Variants in GRIK2 observed in about 807,000 individuals in gnomAD.
The protein encoded by GRIK2 is glutamate receptor ionotropic, kainate 2.
In GRIK2, 32 loss-of-function variants were observed where a neutral mutation model predicts 100.3. That is an observed-to-expected ratio of 0.32 (90% CI 0.24 to 0.43). The LOEUF (loss-of-function observed/expected upper bound fraction) is 0.43, where lower values mean the gene tolerates loss of function less well. Ranked by LOEUF, GRIK2 falls within the 20% of genes least tolerant of loss-of-function variation. The pLI, the probability that GRIK2 is intolerant of heterozygous loss-of-function variation, is 1.00. For synonymous variants in GRIK2, 417 were observed against 389.4 expected, an observed-to-expected ratio of 1.07 and a Z score of -0.83; for missense variants, 843 against 1,114.9, an observed-to-expected ratio of 0.76 and a Z score of 3.47.
rs554661007 is a variant in GRIK2 at position 101,602,530 on chromosome 6, T to C, written c.116-19419T>C. On this transcript the variant is annotated intron_variant, in intron 2 of 16. Coordinates refer to ENST00000369134, the MANE Select transcript of GRIK2 (RefSeq NM_021956.5). ...TTTTAAAAATTTGAATTATACTGAT[T>C]ATCAGAGGGAGAGAATGAATGATTA... 5.1e-3 allele frequency among the ~76,000 whole-genome samples: 767 copies of C among 151,542 alleles called. 4 individuals are homozygous for C. The highest frequency in any genetic ancestry group is 0.014 in the Middle Eastern group (4 of 294).
chr6:101,524,762 G>A (rs1298778903), intron 2 of GRIK2, among the ~76,000 whole-genome samples: 4 of 142,914 alleles, frequency 2.8e-5, no homozygotes, highest in East Asian at 2.1e-4. Context: ...GTGGAGTTTC[G>A]CTCTTGTTGC....
At chr6:101,565,734 G>T (rs564251791) in intron 2 of GRIK2, among the ~76,000 whole-genome samples, 28 of 151,642 alleles carry the variant, frequency 1.8e-4, no homozygotes, top group African/African-American at 6.5e-4. Flanking sequence ...GGGGATAGGG[G>T]TGCTGACCCC....
chr6:101,760,695 T>TATATATTTAATTATATATA (rs1491238763), intron 7 of GRIK2, among the ~76,000 whole-genome samples: 1 of 80,014 alleles, frequency 1.2e-5, no homozygotes, highest in African/African-American at 6.1e-5. Flanking sequence ...TATATATAAT[T>TATATATTTAATTATATATA]ATATATAATT....
At chr6:102,038,593 A>C (rs942206854) in intron 15 of GRIK2, among the ~76,000 whole-genome samples, 5 of 151,446 alleles carry the variant, frequency 3.3e-5, no homozygotes, top group Non-Finnish European at 5.9e-5. Flanking sequence ...TGAAAATGAT[A>C]ATAGTGTGTT....
intron 6 of GRIK2, among the ~76,000 whole-genome samples, chr6:101,684,521 C>A (rs1399633500): frequency 2.6e-5 from 4 of 152,082 alleles, no homozygotes; most frequent in African/African-American, 7.2e-5. Context: ...TTTTGTCAAT[C>A]ATCAGCCCGG....
intron 2 of GRIK2, among the ~76,000 whole-genome samples, chr6:101,456,904 G>A (rs962564655): frequency 6.6e-6 from 1 of 152,068 alleles, no homozygotes; most frequent in African/African-American, 2.4e-5. Flanking sequence ...AATACTAGAG[G>A]ACAAATCTAG....
intron 2 of GRIK2, among the ~76,000 whole-genome samples, chr6:101,400,748 A>T (rs1775258904): frequency 6.6e-6 from 1 of 152,194 alleles, no homozygotes; most frequent in Non-Finnish European, 1.5e-5. Context: ...TTTCACATAC[A>T]TTCAAAAAGG....
intron 13 of GRIK2, among the ~76,000 whole-genome samples, chr6:101,926,352 A>T (rs1440252444): frequency 2.0e-5 from 3 of 152,072 alleles, no homozygotes; most frequent in Non-Finnish European, 4.4e-5. Flanking sequence ...CACCCAGGCA[A>T]AACTGCTAGT....
intron 4 of GRIK2, among the ~76,000 whole-genome samples, chr6:101,630,520 AGTATCT>A (rs1220729169): frequency 2.0e-5 from 3 of 151,932 alleles, no homozygotes; most frequent in Admixed American, 2.0e-4. Flanking sequence ...TCTTTTGAGG[AGTATCT>A]GTTCCTGTCC....
intron 4 of GRIK2, among the ~76,000 whole-genome samples, chr6:101,662,152 T>C (rs567697225): frequency 4.6e-4 from 70 of 152,342 alleles, no homozygotes; most frequent in Admixed American, 1.1e-3. Context: ...TTATATTCTT[T>C]CTTCTAGAAA....
rs1199455630 is a variant in GRIK2 at position 102,005,310 on chromosome 6, GAT to G, written c.2086-30030_2086-30029del. Among the ~76,000 whole-genome samples, 6 of 151,944 alleles carry G rather than the reference GAT, an allele frequency of 3.9e-5. No individual in the cohort carries two copies. In the East Asian group the frequency reaches 1.2e-3, roughly 29 times the overall value. Reference sequence around the variant, plus strand: ...TTAAAATGCTGATCTTCAAATAAAAGATTAATATATAATCTATAAGTTGTGAT... The same window carrying G: ...TTAAAATGCTGATCTTCAAATAAAAGTAATATATAATCTATAAGTTGTGAT... On this transcript the variant is annotated intron_variant, in intron 14 of 16. Coordinates refer to ENST00000369134, the MANE Select transcript of GRIK2 (RefSeq NM_021956.5).
At chr6:101,455,698 G>T (rs150206091) in intron 2 of GRIK2, among the ~76,000 whole-genome samples, 1 of 151,948 alleles carries the variant, frequency 6.6e-6, no homozygotes, top group Non-Finnish European at 1.5e-5. Context: ...GGTAGATAAC[G>T]GTTTGATTTG....
chr6:101,617,442 G>A (rs992244791), intron 2 of GRIK2, among the ~76,000 whole-genome samples: 1 of 151,700 alleles, frequency 6.6e-6, no homozygotes, highest in African/African-American at 2.4e-5. Context: ...ATTGATGCAG[G>A]TCTTCCATGT....
chr6:101,440,124 T>A (rs1024716197), intron 2 of GRIK2, among the ~76,000 whole-genome samples: 1 of 152,076 alleles, frequency 6.6e-6, no homozygotes, highest in African/African-American at 2.4e-5. Flanking sequence ...AATATGCAGT[T>A]GTAGAAAAAA....
In GRIK2 at chr6:102,045,158, C is replaced by T. The variant is rs530292242; in HGVS notation, c.2311+9592C>T. ...ATAATGGTGAACAATATAACCATGA[C>T]CCCTGCCCTGCTAGAGTTCTCAGTG... On this transcript the variant is annotated intron_variant, in intron 15 of 16. Coordinates refer to ENST00000369134, the MANE Select transcript of GRIK2 (RefSeq NM_021956.5). Among the ~76,000 whole-genome samples, 143 of 152,056 alleles carry T rather than the reference C, an allele frequency of 9.4e-4. 1 individual carries two copies. Among genetic ancestry groups the T allele is most frequent in the African/African-American group, 3.0e-3 (124 of 41,534 alleles).
In GRIK2 at chr6:102,063,918, A is replaced by G. The variant is rs1771875642; in HGVS notation, c.2563-4429A>G. The G allele has an allele frequency of 4.8e-6, 4 of 837,962 alleles. No individual in the cohort carries two copies. In the East Asian group the frequency reaches 9.8e-5, roughly 21 times the overall value. The allele number at this position is 837,962 out of a possible 1,614,324, so 51.9% of individuals were successfully genotyped here. The stretch of plus-strand genomic sequence containing the variant: ...TAAGAGTTTTACTAATTTAAATGCA[A>G]TTATACATGCTAACAGCTCAAAGAT... On this transcript the variant is annotated intron_variant, in intron 16 of 16. Transcript: ENST00000369134.
At chr6:101,516,275 G>A (rs777567506) in intron 2 of GRIK2, among the ~76,000 whole-genome samples, 51 of 152,040 alleles carry the variant, frequency 3.4e-4, no homozygotes, top group Non-Finnish European at 5.0e-4. Flanking sequence ...AAGCCGCATA[G>A]CCAAAGCAAG....
At chr6:101,624,472 A>G (rs1166177988) in intron 3 of GRIK2, among the ~76,000 whole-genome samples, 4 of 152,188 alleles carry the variant, frequency 2.6e-5, no homozygotes, top group African/African-American at 9.6e-5. Context: ...ATGTTTAAAC[A>G]AGTGTTCTGA....
At chr6:101,618,949 C>T (rs1262882270) in intron 2 of GRIK2, among the ~76,000 whole-genome samples, 1 of 148,184 alleles carries the variant, frequency 6.7e-6, no homozygotes, top group Non-Finnish European at 1.5e-5. Flanking sequence ...TTATTGTTTT[C>T]CAAAAAAGTA....
Sources: allele counts gnomAD v4.1 joint callset (sites outside exome capture counted in the v4.1 genomes callset), GRCh38; gene constraint gnomAD v4.1.1; transcripts MANE v1.5; gene names NCBI Gene and HGNC (gene_info 2026-07-23, HGNC 2026-07-21).